Variants in IDS observed in about 807,000 individuals in gnomAD.
IDS encodes iduronate 2-sulfatase.
IDS carries 1 observed loss-of-function variant against 33.5 expected under a neutral mutation model. That is an observed-to-expected ratio of 0.03 (90% CI 0.01 to 0.14). The LOEUF (loss-of-function observed/expected upper bound fraction) is 0.14, where lower values mean the gene tolerates loss of function less well. IDS is among the 10% of genes least tolerant of loss of function. The pLI, the probability that IDS is intolerant of heterozygous loss-of-function variation, is 1.00. For synonymous variants in IDS, 191 were observed against 184.4 expected, an observed-to-expected ratio of 1.04 and a Z score of -0.29; for missense variants, 328 against 448.0, an observed-to-expected ratio of 0.73 and a Z score of 2.42.
chrX:149,486,627 C>G (rs1489753843), intron 8 of IDS, among the ~76,000 whole-genome samples: 1 of 112,223 alleles, frequency 8.9e-6, no homozygotes, highest in Middle Eastern at 4.6e-3. Flanking sequence ...GTAGACTGTA[C>G]CACAGCCCTC....
chrX:149,498,415 G>T, intron 4 of IDS, 108 bp from the exon 5 acceptor site: 1 of 620,802 alleles, frequency 1.6e-6, no homozygotes, highest in Non-Finnish European at 2.5e-6. Context: ...TCACGTGTTA[G>T]TCACTCAGAC....
chrX:149,496,504 A>G lies in IDS; in HGVS notation c.721T>C (p.Leu241=), dbSNP rs782422174. The stretch of plus-strand genomic sequence containing the variant: ...AGGGTGATGTTCTCCAAGGGATACA[A>G]CTTCTGAAATTCCTTGGGGAAAAAC... The part of the protein sequence containing the change: ...PFRYPKEFQK[L]YPLENITLAP... Residue 241 remains leucine, a synonymous_variant, in exon 6 of 9, where the codon TTG becomes CTG. Coordinates refer to ENST00000340855, the MANE Select transcript of IDS (RefSeq NM_000202.8). 1 of 1,209,774 alleles carries G rather than the reference A, an allele frequency of 8.3e-7. No individual in the cohort carries two copies. Among genetic ancestry groups the G allele is most frequent in the Non-Finnish European group, 1.1e-6 (1 of 895,087 alleles).
rs782118244 is a variant in IDS at position 149,505,157 on chromosome X, C to T, written c.-20G>A. The T allele has an allele frequency of 8.8e-6, 10 of 1,140,151 alleles. No individual in the cohort carries two copies. The South Asian group carries it at 9.3e-5, about 11-fold the overall frequency. The allele number at this position is 1,140,151 out of a possible 1,213,427, so 94.0% of individuals were successfully genotyped here. A position where few individuals can be genotyped will look rare whatever the true frequency, so the allele number is the denominator to read the frequency against. ...CGGCATTTCGGCTTCGACGCGGCCG[C>T]TTCAGAGCGGCGGGGACAGGCTGCA... On this transcript the variant is annotated 5_prime_UTR_variant, in exon 1 of 9. Coordinates refer to ENST00000340855, the MANE Select transcript of IDS (RefSeq NM_000202.8).
Position 149,498,176 on chromosome X carries a change from T to G in IDS, c.639A>C (p.Lys213Asn), listed in dbSNP as rs782388980. 1.7e-6 allele frequency: 2 copies of G among 1,210,354 alleles called. No homozygotes were observed. Among genetic ancestry groups the G allele is most frequent in the Non-Finnish European group, 2.2e-6 (2 of 895,230 alleles). ...CCAGGAAGAAAGGACTGGCTGACGTTTTCATCTTTTCCAACAACTGTATGG... is the reference window on the plus strand; with the variant it reads ...CCAGGAAGAAAGGACTGGCTGACGTGTTCATCTTTTCCAACAACTGTATGG... ...EQAIQLLEKMKTSASPFFLAV... is the reference protein window; with the variant it reads ...EQAIQLLEKMNTSASPFFLAV... The change falls in exon 5 of 9, where the codon AAA (lysine) becomes AAC (asparagine). Residue 213 changes from lysine to asparagine, a missense_variant. By Grantham distance (94) the Lys-to-Asn change is moderately conservative. Around this residue, in one of 4 missense-constraint regions of IDS, gnomAD observed 265 missense variants for 339.2 expected, o/e 0.78. Coordinates refer to ENST00000340855, the MANE Select transcript of IDS (RefSeq NM_000202.8).
chrX:149,494,474 G>C (rs1402246936), intron 6 of IDS, among the ~76,000 whole-genome samples: 2 of 111,750 alleles, frequency 1.8e-5, no homozygotes, highest in East Asian at 5.6e-4. Context: ...ATGTAGAGCT[G>C]AGTTAGAGGG....
intron 6 of IDS, chrX:149,491,425 C>T: frequency 3.8e-6 from 2 of 523,709 alleles, no homozygotes; most frequent in Non-Finnish European, 5.2e-6. Flanking sequence ...ATCTTCCACC[C>T]CAAAGAGGGG....
intron 4 of IDS, among the ~76,000 whole-genome samples, chrX:149,500,111 G>A (rs1176901398): frequency 9.0e-6 from 1 of 111,410 alleles, no homozygotes; most frequent in African/African-American, 3.3e-5. Context: ...ATTTAGTATT[G>A]TCAGACCCAC....
In IDS at chrX:149,501,858, T is replaced by C. The variant is rs1225893881; in HGVS notation, c.419-821A>G. On this transcript the variant is annotated intron_variant, in intron 3 of 8. Coordinates refer to ENST00000340855, the MANE Select transcript of IDS (RefSeq NM_000202.8). ...AAGAGGGCAGCGGGTGGAGGGCCTA[T>C]GAAGACAGCAAGCACTGTGGAAAGA... 3.6e-5 allele frequency among the ~76,000 whole-genome samples: 4 copies of C among 111,444 alleles called. 1 individual carries two copies. The highest frequency in any genetic ancestry group is 7.6e-5 in the Non-Finnish European group (4 of 52,978).
chrX:149,491,961 C>T (rs782531852), intron 6 of IDS, among the ~76,000 whole-genome samples: 2 of 112,402 alleles, frequency 1.8e-5, no homozygotes, highest in African/African-American at 3.2e-5. Flanking sequence ...AGAGCAGCCC[C>T]GAGAAGCTGG....
In IDS at chrX:149,500,976, A is replaced by C; in HGVS notation, c.480T>G (p.Pro160=). ...PYSWSFPPYH[P]SSEKYENTKT... is the part of the protein sequence containing the mutation. ...TAGTGTTTTCATACTTCTCAGAGGAAGGATGATAAGGTGGAAAAGACCAGC... is the reference window on the plus strand; with the variant it reads ...TAGTGTTTTCATACTTCTCAGAGGACGGATGATAAGGTGGAAAAGACCAGC... The change falls in exon 4 of 9, where the codon CCT becomes CCG. Residue 160 remains proline, a synonymous_variant. Transcript: ENST00000340855. 8.5e-7 allele frequency: 1 copy of C among 1,178,479 alleles called. No individual in the cohort carries two copies. Among genetic ancestry groups the C allele is most frequent in the Admixed American group, 2.2e-5 (1 of 46,013 alleles).
In IDS at chrX:149,482,995, C is replaced by T. The variant is rs1277595465; in HGVS notation, c.1404G>A (p.Arg468=). Residue 468 remains arginine (R), a synonymous_variant, in exon 9 of 9, where the codon CGG becomes CGA. Coordinates refer to ENST00000340855, the MANE Select transcript of IDS (RefSeq NM_000202.8). ...AATTCCACTGAGGGATGTCTGAAGG[C>T]CGGGGATACTGGCTATAGGCAATCA... ...RELIAYSQYP[R]PSDIPQWNSD... 1 of 1,210,608 alleles carries T rather than the reference C, an allele frequency of 8.3e-7. No individual in the cohort carries two copies. The highest frequency in any genetic ancestry group is 1.7e-5 in the African/African-American group (1 of 57,704).
Position 149,483,151 on chromosome X carries a change from C to T in IDS, c.1248G>A (p.Leu416=), listed in dbSNP as rs1306764023. The T allele has an allele frequency of 5.8e-6, 7 of 1,209,019 alleles. No homozygotes were observed. The African/African-American group carries it at 1.1e-4, about 18-fold the overall frequency. The change falls in exon 9 of 9, where the codon CTG becomes CTA. Residue 416 remains leucine (L), a synonymous_variant. Coordinates refer to ENST00000340855, the MANE Select transcript of IDS (RefSeq NM_000202.8). The stretch of plus-strand genomic sequence containing the variant: ...GAACGGGGCAGCGAGGTGGAACCTG[C>T]AGTCCTGCAAGTCCAGCCAGCGTGG... ...LFPTLAGLAG[L]QVPPRCPVPS... is the part of the protein sequence containing the mutation.
intron 3 of IDS, 127 bp from the exon 4 acceptor site, chrX:149,501,164 CAAA>C (rs200077109): frequency 4.6e-6 from 2 of 436,735 alleles, no homozygotes; most frequent in Non-Finnish European, 7.8e-6. Context: ...TCCTCATCTA[CAAA>C]AGGTCCCCTC....
chrX:149,490,497 T>C (rs963553164), intron 6 of IDS, 57 bp from the exon 7 acceptor site: 1 of 1,147,515 alleles, frequency 8.7e-7, no homozygotes, highest in Non-Finnish European at 1.2e-6. Context: ...TGCCAAGGCA[T>C]ACAGAGATAA....
At chrX:149,487,368 C>T in intron 7 of IDS, 1 of 917,491 alleles carries the variant, frequency 1.1e-6, no homozygotes, top group South Asian at 2.0e-5. Flanking sequence ...TAACAAACTA[C>T]TAGCAACATA....
Sources: gnomAD v4.1 joint callset for allele counts (sites outside exome capture counted in the v4.1 genomes callset) on GRCh38, gnomAD v4.1.1 for gene constraint, gnomAD v4.1.1 regional missense constraint, MANE v1.5 for transcripts, NCBI Gene and HGNC (gene_info 2026-07-23, HGNC 2026-07-21) for gene names.